Variants in MGAT4C observed in about 807,000 individuals in gnomAD.
MGAT4C encodes the protein MGAT4 family member C.
A neutral mutation model predicts 40.1 loss-of-function variants in MGAT4C; 19 were observed. The observed-to-expected ratio is 0.47, with a 90% confidence interval of 0.33 to 0.70. The LOEUF (loss-of-function observed/expected upper bound fraction) is 0.70, where lower values mean the gene tolerates loss of function less well. Ranked by LOEUF, MGAT4C falls within the 30% of genes least tolerant of loss-of-function variation. The pLI, the probability that MGAT4C is intolerant of heterozygous loss-of-function variation, is 0.02. For missense variants in MGAT4C, 491 were observed against 563.2 expected, an observed-to-expected ratio of 0.87 and a Z score of 1.30; for synonymous variants, 181 against 187.1, an observed-to-expected ratio of 0.97 and a Z score of 0.27.
At chr12:86,331,719 C>T (rs987067813) in intron 4 of MGAT4C, among the ~76,000 whole-genome samples, 34 of 152,156 alleles carry the variant, frequency 2.2e-4, no homozygotes, top group African/African-American at 8.0e-4. Flanking sequence ...TCCTGCCTTG[C>T]TCATGTCTGC....
intron 2 of MGAT4C, among the ~76,000 whole-genome samples, chr12:86,521,481 T>C (rs1353695906): frequency 4.6e-5 from 7 of 152,142 alleles, no homozygotes; most frequent in Admixed American, 1.3e-4. Context: ...AGCCCTGTAG[T>C]ATAGTTTGAA....
chr12:86,108,054 A>T (rs1190271575), intron 1 of MGAT4C, among the ~76,000 whole-genome samples: 1 of 152,140 alleles, frequency 6.6e-6, no homozygotes, highest in Non-Finnish European at 1.5e-5. Context: ...AGAGTAGCTT[A>T]CACATCTCAG....
chr12:86,416,954 A>T (rs1956730429), intron 3 of MGAT4C, among the ~76,000 whole-genome samples: 1 of 152,152 alleles, frequency 6.6e-6, no homozygotes, highest in Non-Finnish European at 1.5e-5. Context: ...AGGTTTCAAA[A>T]GAAACATGGC....
chr12:86,807,843 C>T (rs896283185), intron 1 of MGAT4C, among the ~76,000 whole-genome samples: 1 of 152,066 alleles, frequency 6.6e-6, no homozygotes, highest in Non-Finnish European at 1.5e-5. Flanking sequence ...TATGGTATCT[C>T]ATTGTGATTT....
intron 1 of MGAT4C, among the ~76,000 whole-genome samples, chr12:86,105,550 A>G (rs1024080275): frequency 1.3e-5 from 2 of 152,164 alleles, no homozygotes; most frequent in African/African-American, 4.8e-5. Flanking sequence ...TTTCCTATAA[A>G]GGAGAGGGAA....
chr12:86,828,818 A>G (rs1206590372), intron 1 of MGAT4C, among the ~76,000 whole-genome samples: 2 of 151,562 alleles, frequency 1.3e-5, no homozygotes, highest in Non-Finnish European at 3.0e-5. Context: ...AAAGATAGAG[A>G]GAAAAAAAGG....
At chr12:86,032,222 AATAT>A (rs1890823362) in intron 2 of MGAT4C, among the ~76,000 whole-genome samples, 1 of 151,786 alleles carries the variant, frequency 6.6e-6, no homozygotes, top group Admixed American at 6.6e-5. Context: ...TGCCACAATG[AATAT>A]ATGTGTGTCT....
At chr12:86,318,296 C>A (rs950323748) in intron 4 of MGAT4C, among the ~76,000 whole-genome samples, 1 of 152,136 alleles carries the variant, frequency 6.6e-6, no homozygotes, top group Admixed American at 6.5e-5. Context: ...CCTGAAATTT[C>A]TTTCCAACAC....
intron 2 of MGAT4C, among the ~76,000 whole-genome samples, chr12:86,486,978 A>G (rs1030413180): frequency 6.6e-6 from 1 of 152,180 alleles, no homozygotes. Flanking sequence ...GGATATACCA[A>G]TCAGGGGAAA....
chr12:86,190,172 C>T (rs1258137971), intron 1 of MGAT4C, among the ~76,000 whole-genome samples: 2 of 151,904 alleles, frequency 1.3e-5, no homozygotes, highest in African/African-American at 4.8e-5. Context: ...TGGAAAAGTC[C>T]TAACAATATT....
chr12:85,959,829 T>C lies in MGAT4C; in HGVS notation c.*19460A>G, dbSNP rs981353894. ...GCTTTGTTTCTTTATGAAATTACTT[T>C]TAGATAAAGTATTGATATTGTCATT... On this transcript the variant is annotated 3_prime_UTR_variant, in exon 5 of 5. Coordinates refer to ENST00000611864, the MANE Select transcript of MGAT4C (RefSeq NM_001351288.2). 10 of 151,958 alleles carry C rather than the reference T, an allele frequency of 6.6e-5. No individual in the cohort carries two copies. Among genetic ancestry groups the C allele is most frequent in the African/African-American group, 2.2e-4 (9 of 41,412 alleles). 9.4% of individuals were successfully genotyped at this position (151,958 alleles called of 1,614,324 possible).
chr12:86,111,416 C>G (rs1250017121), intron 1 of MGAT4C, among the ~76,000 whole-genome samples: 1 of 151,738 alleles, frequency 6.6e-6, no homozygotes, highest in African/African-American at 2.4e-5. Context: ...TAATACAAGA[C>G]TATGGAACAA....
At position 86,159,021 on chromosome 12, in the gene MGAT4C, TA is replaced by T. The variant is rs754292475; in HGVS notation, c.-57+97217del. On this transcript the variant is annotated intron_variant, in intron 1 of 4. Transcript: ENST00000611864. Reference sequence around the variant, plus strand: ...CTTATTTTCCTATTTTGGTGGATTTTATTTATTTTTCTTGCCTGACTGCTCT... The same window carrying T: ...CTTATTTTCCTATTTTGGTGGATTTTTTTATTTTTCTTGCCTGACTGCTCT... 1.8e-3 allele frequency among the ~76,000 whole-genome samples: 281 copies of T among 152,302 alleles called. 6 individuals carry two copies. The highest frequency in any genetic ancestry group is 2.2e-4 in the Non-Finnish European group (15 of 68,016).
intron 2 of MGAT4C, among the ~76,000 whole-genome samples, chr12:86,511,569 A>C (rs961111025): frequency 6.6e-6 from 1 of 152,202 alleles, no homozygotes; most frequent in Non-Finnish European, 1.5e-5. Flanking sequence ...TACCAATGGA[A>C]CAGAATAGAG....
At chr12:86,738,476 C>T (rs1419304615) in intron 1 of MGAT4C, among the ~76,000 whole-genome samples, 2 of 151,270 alleles carry the variant, frequency 1.3e-5, no homozygotes, top group East Asian at 3.9e-4. Flanking sequence ...GGATTTTTGA[C>T]TGCTTTGTTC....
chr12:86,822,535 G>A (rs571145451), intron 1 of MGAT4C, among the ~76,000 whole-genome samples: 22 of 147,698 alleles, frequency 1.5e-4, no homozygotes, highest in East Asian at 1.2e-3. Context: ...AGAAAGCAGG[G>A]ACAGCTATAC....
chr12:86,440,522 T>C (rs866926622), intron 2 of MGAT4C, among the ~76,000 whole-genome samples: 4 of 152,014 alleles, frequency 2.6e-5, no homozygotes, highest in African/African-American at 9.7e-5. Flanking sequence ...AGCCAACTCA[T>C]ACTGAATGGG....
chr12:86,643,093 A>G (rs577111413), intron 2 of MGAT4C, among the ~76,000 whole-genome samples: 8 of 151,874 alleles, frequency 5.3e-5, no homozygotes, highest in Middle Eastern at 3.4e-3. Context: ...AGAAAATAAA[A>G]TCATCTCACG....
chr12:86,077,512 T>C (rs1193218545), intron 1 of MGAT4C, among the ~76,000 whole-genome samples: 3 of 152,174 alleles, frequency 2.0e-5, no homozygotes, highest in Non-Finnish European at 2.9e-5. Context: ...CTCATGACAA[T>C]TACAGTCCTC....
Sources: gnomAD v4.1 joint callset for allele counts (sites outside exome capture counted in the v4.1 genomes callset) on GRCh38, gnomAD v4.1.1 for gene constraint, MANE v1.5 for transcripts, NCBI Gene and HGNC (gene_info 2026-07-23, HGNC 2026-07-21) for gene names.